PRKD1: variants seen among roughly 807,000 people sequenced by gnomAD.
The protein encoded by PRKD1 is serine/threonine-protein kinase D1.
A neutral mutation model predicts 95.9 loss-of-function variants in PRKD1; 63 were observed. That is an observed-to-expected ratio of 0.66 (90% CI 0.54 to 0.81). PRKD1 has a LOEUF of 0.81. Among genes scored for constraint, PRKD1 ranks in the 30% least tolerant of loss-of-function variants. PRKD1 has a pLI of 0.00. For synonymous variants in PRKD1, 425 were observed against 423.1 expected, an observed-to-expected ratio of 1.00 and a Z score of -0.05; for missense variants, 1,048 against 1,165.3, an observed-to-expected ratio of 0.90 and a Z score of 1.47.
chr14:29,740,587 G>A (rs1886942405), intron 1 of PRKD1, among the ~76,000 whole-genome samples: 1 of 152,162 alleles, frequency 6.6e-6, no homozygotes, highest in Non-Finnish European at 1.5e-5. Context: ...CCAGCAAACA[G>A]TGATTCAGAA....
chr14:29,649,964 C>G (rs912152138), intron 4 of PRKD1, among the ~76,000 whole-genome samples: 1 of 152,168 alleles, frequency 6.6e-6, no homozygotes, highest in Non-Finnish European at 1.5e-5. Flanking sequence ...TCACTCCTCA[C>G]GTTGCTTCCT....
chr14:29,692,870 T>C (rs1481905654), intron 2 of PRKD1, among the ~76,000 whole-genome samples: 1 of 152,212 alleles, frequency 6.6e-6, no homozygotes, highest in Non-Finnish European at 1.5e-5. Context: ...ACAGTACTTT[T>C]CTATGTGTTG....
At chr14:29,788,932 G>C (rs577848404) in intron 1 of PRKD1, among the ~76,000 whole-genome samples, 1 of 151,550 alleles carries the variant, frequency 6.6e-6, no homozygotes, top group Admixed American at 6.6e-5. Flanking sequence ...TATCACTCAG[G>C]CTTGAGTGCA....
intron 1 of PRKD1, among the ~76,000 whole-genome samples, chr14:29,903,320 T>G (rs957087696): frequency 3.3e-5 from 5 of 152,200 alleles, no homozygotes; most frequent in Non-Finnish European, 2.9e-5. Flanking sequence ...GCAATACCTT[T>G]GGCACACGAC....
chr14:29,829,605 G>C (rs1364455697), intron 1 of PRKD1, among the ~76,000 whole-genome samples: 2 of 152,146 alleles, frequency 1.3e-5, no homozygotes, highest in Non-Finnish European at 2.9e-5. Context: ...GATGTAATAA[G>C]AGACCTTCTT....
intron 1 of PRKD1, among the ~76,000 whole-genome samples, chr14:29,728,158 A>G (rs1886255702): frequency 6.8e-6 from 1 of 146,092 alleles, no homozygotes; most frequent in Admixed American, 6.9e-5. Flanking sequence ...CTTAAAGTAT[A>G]ATAATAAAAA....
At chr14:29,774,767 C>A (rs1319988983) in intron 1 of PRKD1, among the ~76,000 whole-genome samples, 1 of 152,150 alleles carries the variant, frequency 6.6e-6, no homozygotes, top group Non-Finnish European at 1.5e-5. Context: ...CATGGTCACA[C>A]AATCTAATAT....
chr14:29,588,279 C>T (rs1223003338), intron 16 of PRKD1, among the ~76,000 whole-genome samples: 3 of 152,128 alleles, frequency 2.0e-5, no homozygotes, highest in African/African-American at 7.2e-5. Flanking sequence ...GTGCTACTTC[C>T]AACTTAAGTG....
At chr14:29,872,089 A>T (rs947988298) in intron 1 of PRKD1, among the ~76,000 whole-genome samples, 4 of 152,188 alleles carry the variant, frequency 2.6e-5, no homozygotes, top group African/African-American at 9.7e-5. Flanking sequence ...ATCTATTTAT[A>T]TGCCTGGAAC....
rs1276810854 is a variant in PRKD1 at position 29,630,800 on chromosome 14, A to T, written c.1614T>A (p.His538Gln). 1.2e-6 allele frequency: 2 copies of T among 1,614,014 alleles called. No individual in the cohort carries two copies. Among genetic ancestry groups the T allele is most frequent in the Middle Eastern group, 1.6e-4 (1 of 6,084 alleles). ...CCTTGGGAATGACGGGCATAAGGGC[A>T]TGCTGGATGGCTATCTCCCACATCC... ...VARMWEIAIQHALMPVIPKGS... is the reference protein window; with the variant it reads ...VARMWEIAIQQALMPVIPKGS... Residue 538 changes from histidine (H) to glutamine (Q), a missense_variant, in exon 10 of 18, where the codon CAT (histidine) becomes CAA (glutamine). This residue lies in a region of PRKD1 where 739 missense variants were observed against 861.9 expected (regional missense o/e 0.86). Coordinates refer to ENST00000331968, the MANE Select transcript of PRKD1 (RefSeq NM_002742.3).
intron 1 of PRKD1, among the ~76,000 whole-genome samples, chr14:29,899,756 G>T (rs1894257375): frequency 6.6e-6 from 1 of 152,170 alleles, no homozygotes; most frequent in African/African-American, 2.4e-5. Context: ...AACTAGCATG[G>T]ACTGACTGCT....
At chr14:29,903,476 T>C (rs1894391369) in intron 1 of PRKD1, among the ~76,000 whole-genome samples, 1 of 152,182 alleles carries the variant, frequency 6.6e-6, no homozygotes, top group Admixed American at 6.5e-5. Flanking sequence ...TGGAGTACAG[T>C]TCTCTTTGTT....
At chr14:29,793,785 TA>T (rs1429645993) in intron 1 of PRKD1, among the ~76,000 whole-genome samples, 1 of 152,122 alleles carries the variant, frequency 6.6e-6, no homozygotes, top group African/African-American at 2.4e-5. Context: ...CACAATTTGT[TA>T]ATTAGATTTT....
chr14:29,922,470 A>C (rs1021466755), intron 1 of PRKD1, among the ~76,000 whole-genome samples: 4 of 152,224 alleles, frequency 2.6e-5, no homozygotes, highest in Non-Finnish European at 5.9e-5. Context: ...GCTCTTAAAA[A>C]TATATTTAAA....
chr14:29,784,435 A>G (rs984231837), intron 1 of PRKD1, among the ~76,000 whole-genome samples: 2 of 152,124 alleles, frequency 1.3e-5, no homozygotes, highest in South Asian at 2.1e-4. Context: ...GAAGAATGTC[A>G]TTGGTATTTT....
In PRKD1 at chr14:29,577,406, C is replaced by T. The variant is rs1365650010; in HGVS notation, c.2571G>A (p.Glu857=). ...DLRELECKIG[E]RYITHESDDL... ...CATCACTTTCATGGGTGATGTAGCGCTCCCCGATTTTGCATTCCAGCTCTC... is the reference window on the plus strand; with the variant it reads ...CATCACTTTCATGGGTGATGTAGCGTTCCCCGATTTTGCATTCCAGCTCTC... The change falls in exon 18 of 18, where the codon GAG becomes GAA. Residue 857 remains glutamate (E), a synonymous_variant. Transcript: ENST00000331968. 26 of 1,613,814 alleles carry T rather than the reference C, an allele frequency of 1.6e-5. No individual in the cohort carries two copies. Among genetic ancestry groups the T allele is most frequent in the Non-Finnish European group, 2.2e-5 (26 of 1,179,814 alleles).
intron 1 of PRKD1, among the ~76,000 whole-genome samples, chr14:29,728,266 C>T (rs984817038): frequency 6.6e-6 from 1 of 152,120 alleles, no homozygotes; most frequent in Non-Finnish European, 1.5e-5. Context: ...ATACCTCATG[C>T]ACTATTTTAA....
intron 6 of PRKD1, 95 bp from the exon 7 acceptor site, chr14:29,636,589 G>A (rs1225291807): frequency 8.1e-7 from 1 of 1,232,278 alleles, no homozygotes; most frequent in Non-Finnish European, 1.2e-6. Context: ...TCAATTGGAA[G>A]CCCCAAAGAG....
intron 2 of PRKD1, among the ~76,000 whole-genome samples, chr14:29,687,281 C>A (rs909215625): frequency 3.3e-5 from 5 of 152,132 alleles, no homozygotes; most frequent in Non-Finnish European, 7.3e-5. Flanking sequence ...AAAGTGCTTG[C>A]GGTAATTCTA....
Sources: allele counts gnomAD v4.1 joint callset (sites outside exome capture counted in the v4.1 genomes callset), GRCh38; gene constraint gnomAD v4.1.1; regional missense constraint gnomAD v4.1.1; transcripts MANE v1.5; gene names NCBI Gene and HGNC (gene_info 2026-07-23, HGNC 2026-07-21).